The following SHKBP1 variants were observed in gnomAD, a reference collection of about 807,000 sequenced individuals.
The protein encoded by SHKBP1 is SH3KBP1-binding protein 1.
SHKBP1 carries 71 observed loss-of-function variants against 83.9 expected under a neutral mutation model. The observed-to-expected ratio is 0.85, with a 90% CI of 0.70 to 1.03. SHKBP1 has a LOEUF of 1.03. Among genes scored for constraint, SHKBP1 ranks in the 50% least tolerant of loss-of-function variants. The pLI is 0.00. For synonymous variants in SHKBP1, 371 were observed against 398.0 expected, an observed-to-expected ratio of 0.93 and a Z score of 0.81; for missense variants, 824 against 982.4, an observed-to-expected ratio of 0.84 and a Z score of 2.16.
In SHKBP1 at chr19:40,591,189, C is replaced by T. The variant is rs1012956721; in HGVS notation, c.2106C>T (p.Leu702=). The part of the protein sequence containing the change: ...GTPLTPPKMK[L]NETSF ...CCCTCACACCTCCCAAGATGAAGCT[C>T]AATGAAACTTCCTTTTGAACAACGC... The change falls in exon 18 of 18, where the codon CTC becomes CTT. Residue 702 remains leucine (L), a synonymous_variant. Coordinates refer to ENST00000291842, the MANE Select transcript of SHKBP1 (RefSeq NM_138392.4). 1.9e-6 allele frequency: 3 copies of T among 1,587,272 alleles called. No homozygotes were observed. Among genetic ancestry groups the T allele is most frequent in the Admixed American group, 1.7e-5 (1 of 59,088 alleles).
chr19:40,590,838 G>C lies in SHKBP1; in HGVS notation c.1877G>C (p.Arg626Pro). The part of the protein sequence containing the change: ...SWGCLPSPSP[R>P]ISLTSLHSAS... The stretch of plus-strand genomic sequence containing the variant: ...GGCTGTCTCCCCAGCCCCTCACCCC[G>C]CATCTCCCTCACCAGGTAGCCACAA... Residue 626 changes from arginine (R) to proline (P), a missense_variant, in exon 17 of 18, where the codon CGC becomes CCC. Arg to Pro is a moderately radical substitution (Grantham distance 103). Transcript: ENST00000291842. The surrounding 1 kb of genome is among the most constrained non-coding windows in gnomAD (Gnocchi z 4.6). The C allele has an allele frequency of 6.3e-7, 1 of 1,584,702 alleles. No homozygotes were observed. The highest frequency in any genetic ancestry group is 1.7e-5 in the Admixed American group (1 of 58,630).
At position 40,583,394 on chromosome 19, in the gene SHKBP1, C is replaced by T; in HGVS notation, c.961-4C>T. The T allele has an allele frequency of 6.4e-7, 1 of 1,570,788 alleles. No individual in the cohort carries two copies. The highest frequency in any genetic ancestry group is 2.4e-5 in the East Asian group (1 of 42,514). ...GGCTGCAGCCTGTCCTGCCCCACCC[C>T]CAGGTCCAGGAGGTGCAGCCCATCA... On this transcript the variant is annotated splice_region_variant and splice_polypyrimidine_tract_variant and intron_variant, in intron 10 of 17. Transcript: ENST00000291842.
intron 14 of SHKBP1, 134 bp downstream of exon 14, chr19:40,588,913 C>A: frequency 3.0e-6 from 4 of 1,319,842 alleles, no homozygotes; most frequent in Non-Finnish European, 4.2e-6. Flanking sequence ...CTTGAGGCAC[C>A]TGAGCTCCAC....
intron 9 of SHKBP1, among the ~76,000 whole-genome samples, chr19:40,581,700 A>G (rs1272326255): frequency 1.3e-5 from 2 of 152,106 alleles, no homozygotes; most frequent in African/African-American, 2.4e-5. Context: ...AGCCTGGACA[A>G]CAGAGCAAGA....
At chr19:40,586,090 T>C (rs1321750299) in intron 12 of SHKBP1, among the ~76,000 whole-genome samples, 1 of 152,080 alleles carries the variant, frequency 6.6e-6, no homozygotes, top group Non-Finnish European at 1.5e-5. Context: ...AAATCTTTTG[T>C]AGAGATGAGG....
chr19:40,588,970 C>A, intron 14 of SHKBP1, 112 bp from the exon 15 acceptor site: 3 of 1,321,722 alleles, frequency 2.3e-6, no homozygotes, highest in Non-Finnish European at 3.2e-6. Flanking sequence ...CCAACTCTAA[C>A]AACCTGGGGA....
At chr19:40,582,735 C>A (rs2081280030) in intron 10 of SHKBP1, among the ~76,000 whole-genome samples, 1 of 151,530 alleles carries the variant, frequency 6.6e-6, no homozygotes. Context: ...GGTGAGAGAG[C>A]AGGTTAGGGG....
Position 40,591,151 on chromosome 19 carries a change from G to T in SHKBP1, c.2068G>T (p.Gly690Cys), listed in dbSNP as rs776750059. The T allele has an allele frequency of 6.2e-7, 1 of 1,604,346 alleles. No individual in the cohort carries two copies. The highest frequency in any genetic ancestry group is 2.2e-5 in the East Asian group (1 of 44,514). Reference sequence around the variant, plus strand: ...CACACCAGCCCCGTGGCCCTCCAGCGGTCTCGGCACTCCCCTCACACCTCC... The same window carrying T: ...CACACCAGCCCCGTGGCCCTCCAGCTGTCTCGGCACTCCCCTCACACCTCC... ...PPTPAPWPSS[G>C]LGTPLTPPKM... is the part of the protein sequence containing the mutation. The change falls in exon 18 of 18, where the codon GGT becomes TGT. Residue 690 changes from glycine (G) to cysteine (C), a missense_variant. Gly to Cys is a radical substitution (Grantham distance 159, BLOSUM62 -3). This residue lies in a region of SHKBP1 where 287 missense variants were observed against 322.9 expected (regional missense o/e 0.89). Transcript: ENST00000291842.
Position 40,590,356 on chromosome 19 carries a change from C to T in SHKBP1, c.1702C>T (p.Gln568Ter), listed in dbSNP as rs1199785762. 1 of 1,612,316 alleles carries T rather than the reference C, an allele frequency of 6.2e-7. No homozygotes were observed. The highest frequency in any genetic ancestry group is 8.5e-7 in the Non-Finnish European group (1 of 1,179,488). ...SRPRRYLLTG[Q>*]ANGSLAMWDL... ...GCCCCGGCGCTACCTGCTCACTGGC[C>T]AGGCCAACGGCAGCTTGGCCATGTG... Residue 568 changes from glutamine (Q) to a stop codon, truncating the protein, a stop_gained, in exon 16 of 18, where the codon CAG (glutamine) becomes TAG (stop). Coordinates refer to ENST00000291842, the MANE Select transcript of SHKBP1 (RefSeq NM_138392.4). LOFTEE classifies it high-confidence loss of function. The surrounding 1 kb of genome is among the most constrained non-coding windows in gnomAD (Gnocchi z 4.6).
At chr19:40,583,262 C>G in intron 10 of SHKBP1, 136 bp from the exon 11 acceptor site, 1 of 650,604 alleles carries the variant, frequency 1.5e-6, no homozygotes, top group Non-Finnish European at 2.7e-6. Flanking sequence ...CAAAGGCAGG[C>G]CTGGGGTGGA....
At position 40,576,911 on chromosome 19, in the gene SHKBP1, G is replaced by C; in HGVS notation, c.12G>C (p.Ala4=). 1 of 1,472,000 alleles carries C rather than the reference G, an allele frequency of 6.8e-7. No individual in the cohort carries two copies. 91.2% of individuals were successfully genotyped at this position (1,472,000 alleles called of 1,614,324 possible). A position where few individuals can be genotyped will look rare whatever the true frequency, so the allele number is the denominator to read the frequency against. MAA[A]ATAAEGVPSR... ...CTCGCCCGGGGGCCATGGCAGCAGC[G>C]GCTACTGCAGCCGAGGGGGTCCCCA... Residue 4 remains alanine, a synonymous_variant, in exon 1 of 18, where the codon GCG becomes GCC. Transcript: ENST00000291842.
chr19:40,580,756 GC>G lies in SHKBP1; in HGVS notation c.666del (p.Ser223LeufsTer59). The G allele has an allele frequency of 6.2e-7, 1 of 1,610,864 alleles. No homozygotes were observed. The highest frequency in any genetic ancestry group is 8.5e-7 in the Non-Finnish European group (1 of 1,177,928). On this transcript the variant is annotated frameshift_variant, in exon 9 of 18. Coordinates refer to ENST00000291842, the MANE Select transcript of SHKBP1 (RefSeq NM_138392.4). LOFTEE classifies it high-confidence loss of function. ...QFLVCYRLKEASGWQLVFSSP... is the reference protein window; with the variant it reads ...QFLVCYRLKEXSGWQLVFSSP... The stretch of plus-strand genomic sequence containing the variant: ...CCCTCGATCCTACAGGTTGAAGGAA[GC>G]CTCTGGCTGGCAGCTGGTGTTTTCC...
At position 40,577,003 on chromosome 19, in the gene SHKBP1, C is replaced by A; in HGVS notation, c.86+18C>A. 1 of 1,488,834 alleles carries A rather than the reference C, an allele frequency of 6.7e-7. No individual in the cohort carries two copies. 92.2% of individuals were successfully genotyped at this position (1,488,834 alleles called of 1,614,324 possible). ...GGCAAGAGGTGAGTGTGGGAGACTC[C>A]TGAGGTCCCATCCTCGGGGGCGGGA... is the stretch of plus-strand genomic sequence containing the variant. On this transcript the variant is annotated intron_variant, in intron 1 of 17. Transcript: ENST00000291842.
intron 1 of SHKBP1, 80 bp from the exon 2 acceptor site, chr19:40,577,151 A>G: frequency 6.4e-7 from 1 of 1,554,564 alleles, no homozygotes; most frequent in Non-Finnish European, 8.8e-7. Flanking sequence ...AGGGGAGGGA[A>G]CCCTGGATCC....
rs779476685 is a variant in SHKBP1, at chr19:40,580,821, C to T, written c.729C>T (p.Leu243=). The T allele has an allele frequency of 1.2e-6, 2 of 1,613,386 alleles. No homozygotes were observed. Among genetic ancestry groups the T allele is most frequent in the East Asian group, 4.5e-5 (2 of 44,856 alleles). Residue 243 remains leucine, a synonymous_variant, in exon 9 of 18, where the codon CTC becomes CTT. Coordinates refer to ENST00000291842, the MANE Select transcript of SHKBP1 (RefSeq NM_138392.4). ...ACTGGCCCATCGAACGACTGGCGCT[C>T]ACAGCCCGGGTGCATGGTGGGGCTT... ...RLDWPIERLA[L]TARVHGGALG...
Position 40,591,105 on chromosome 19 carries a change from G to T in SHKBP1, c.2022G>T (p.Gly674=). ...GCTGCCAGGAACTGGTGCGGAGTGG[G>T]CCAGACCTCCGACGGCCACCCACAC... ...VERCQELVRS[G]PDLRRPPTPA... Residue 674 remains glycine (G), a synonymous_variant, in exon 18 of 18, where the codon GGG becomes GGT. Transcript: ENST00000291842. The T allele has an allele frequency of 3.1e-6, 5 of 1,610,820 alleles. No individual in the cohort carries two copies. Among genetic ancestry groups the T allele is most frequent in the Non-Finnish European group, 4.2e-6 (5 of 1,177,520 alleles).
At chr19:40,586,632 G>A in intron 12 of SHKBP1, 142 bp from the exon 13 acceptor site, 1 of 795,820 alleles carries the variant, frequency 1.3e-6, no homozygotes, top group Non-Finnish European at 1.8e-6. Context: ...TTCCCAAAGT[G>A]ATGGGATTAC....
chr19:40,578,916 C>T (rs2081245310), intron 6 of SHKBP1, among the ~76,000 whole-genome samples: 1 of 151,936 alleles, frequency 6.6e-6, no homozygotes, highest in South Asian at 2.1e-4. Flanking sequence ...GAAGGTATGC[C>T]CCAGTGGTTA....
At position 40,576,964 on chromosome 19, in the gene SHKBP1, A is replaced by T. The variant is rs747797304; in HGVS notation, c.65A>T (p.His22Leu). ...CGGGGGCCTCCCGGGGAAGTCATTC[A>T]TCTGAATGTGGGAGGCAAGAGGTGA... The part of the protein sequence containing the change: ...PSRGPPGEVI[H>L]LNVGGKRFST... Residue 22 changes from histidine to leucine, a missense_variant, in exon 1 of 18, where the codon CAT becomes CTT. Coordinates refer to ENST00000291842, the MANE Select transcript of SHKBP1 (RefSeq NM_138392.4). 6 of 1,510,664 alleles carry T rather than the reference A, an allele frequency of 4.0e-6. No homozygotes were observed. Among genetic ancestry groups the T allele is most frequent in the Non-Finnish European group, 5.3e-6 (6 of 1,133,416 alleles). The allele number at this position is 1,510,664 out of a possible 1,614,324, so 93.6% of individuals were successfully genotyped here.
Sources: allele counts gnomAD v4.1 joint callset (sites outside exome capture counted in the v4.1 genomes callset), GRCh38; gene constraint gnomAD v4.1.1; regional missense constraint gnomAD v4.1.1; non-coding constraint Gnocchi (gnomAD v3.1); transcripts MANE v1.5; gene names NCBI Gene and HGNC (gene_info 2026-07-23, HGNC 2026-07-21).